The following TOLLIP variants were observed in gnomAD, a reference collection of about 807,000 sequenced individuals.
TOLLIP encodes toll-interacting protein.
TOLLIP carries 16 observed loss-of-function variants against 33.5 expected under a neutral mutation model. The ratio of observed to expected loss-of-function variants is 0.48; its 90% CI spans 0.32 to 0.72. The LOEUF is 0.72. Among genes scored for constraint, TOLLIP ranks in the 30% least tolerant of loss-of-function variants. The pLI, the probability that TOLLIP is intolerant of heterozygous loss-of-function variation, is 0.03. For missense variants in TOLLIP, 325 were observed against 396.6 expected (o/e 0.82, Z 1.53); for synonymous variants, 176 against 163.7 (o/e 1.07, Z -0.57).
chr11:1,309,200 C>A (rs1267647801), intron 1 of TOLLIP, among the ~76,000 whole-genome samples: 1 of 152,172 alleles, frequency 6.6e-6, no homozygotes, highest in Non-Finnish European at 1.5e-5. Context: ...CGGGCGCAGG[C>A]CCCCTCCCCC....
At position 1,284,963 on chromosome 11, in the gene TOLLIP, C is replaced by T. The variant is rs538048182; in HGVS notation, c.610+1039G>A. Among the ~76,000 whole-genome samples, 5 of 152,170 alleles carry T rather than the reference C, an allele frequency of 3.3e-5. No individual in the cohort carries two copies. In the South Asian group the frequency reaches 6.2e-4, roughly 19 times the overall value. On this transcript the variant is annotated intron_variant, in intron 5 of 5. Coordinates refer to ENST00000317204, the MANE Select transcript of TOLLIP (RefSeq NM_019009.4). ...CCCGACTCCCAAGGTGGCCTTTCTG[C>T]ATCTGTGCAGGATGCTGGCAGGACT...
intron 5 of TOLLIP, among the ~76,000 whole-genome samples, chr11:1,279,111 G>A (rs1430193358): frequency 1.3e-5 from 2 of 152,258 alleles, no homozygotes; most frequent in African/African-American, 2.4e-5. Flanking sequence ...CTGCAAAATC[G>A]ATGACGGTGG....
intron 2 of TOLLIP, among the ~76,000 whole-genome samples, chr11:1,292,625 C>T (rs1196919714): frequency 6.6e-6 from 1 of 152,376 alleles, no homozygotes; most frequent in Middle Eastern, 3.4e-3. Flanking sequence ...TATGACTGCA[C>T]ACAACCACAT....
chr11:1,291,454 C>T (rs934272898), intron 2 of TOLLIP, among the ~76,000 whole-genome samples: 1 of 151,642 alleles, frequency 6.6e-6, no homozygotes, highest in South Asian at 2.1e-4. Flanking sequence ...GCCCCCCGAC[C>T]CCCTCTGAGG....
Position 1,309,627 on chromosome 11 carries a change from A to G in TOLLIP, c.-129T>C. 2.9e-6 allele frequency: 1 copy of G among 347,938 alleles called. No individual in the cohort carries two copies. Among genetic ancestry groups the G allele is most frequent in the Non-Finnish European group, 5.0e-6 (1 of 199,440 alleles). 21.6% of individuals were successfully genotyped at this position (347,938 alleles called of 1,614,324 possible). A position where few individuals can be genotyped will look rare whatever the true frequency, so the allele number is the denominator to read the frequency against. Reference sequence around the variant, plus strand: ...GCCGCCGCCGCCACAGTCAGCTGACAGCCGCCGCGCCCCGCCCCCGGCACC... The same window carrying G: ...GCCGCCGCCGCCACAGTCAGCTGACGGCCGCCGCGCCCCGCCCCCGGCACC... On this transcript the variant is annotated 5_prime_UTR_variant, in exon 1 of 6. Coordinates refer to ENST00000317204, the MANE Select transcript of TOLLIP (RefSeq NM_019009.4).
At chr11:1,299,343 G>A (rs1006069651) in intron 1 of TOLLIP, among the ~76,000 whole-genome samples, 2 of 152,142 alleles carry the variant, frequency 1.3e-5, no homozygotes, top group Non-Finnish European at 2.9e-5. Flanking sequence ...CAATGCCCTC[G>A]TTTCTCAACT....
At chr11:1,286,117 G>A (rs565735378) in intron 4 of TOLLIP, 25 bp from the exon 5 acceptor site, 14 of 1,557,030 alleles carry the variant, frequency 9.0e-6, no homozygotes, top group African/African-American at 8.1e-5. Context: ...AGATGGTCCC[G>A]GGGTCAAGGA....
intron 5 of TOLLIP, 89 bp downstream of exon 5, chr11:1,285,913 G>A (rs1220857654): frequency 3.2e-5 from 31 of 963,970 alleles, no homozygotes; most frequent in South Asian, 6.5e-5. Flanking sequence ...CCACCCCGGC[G>A]CTCTAAGCCC....
rs928473031 is a variant in TOLLIP at position 1,302,836 on chromosome 11, C to T, written c.33+6630G>A. The T allele has an allele frequency of 1.5e-5, 15 of 977,758 alleles. No individual in the cohort carries two copies. The Admixed American group carries it at 8.6e-4, about 56-fold the overall frequency. The allele number at this position is 977,758 out of a possible 1,614,324, so 60.6% of individuals were successfully genotyped here. ...GTCCCCAGTTCCCACATCCTCCTCC[C>T]ACGGCCGCTCAGCAGCCCCCTCCCA... On this transcript the variant is annotated intron_variant, in intron 1 of 5. Transcript: ENST00000317204.
intron 1 of TOLLIP, chr11:1,302,500 C>A (rs1564980090): frequency 1.1e-6 from 1 of 879,828 alleles, no homozygotes; most frequent in South Asian, 5.2e-5. Context: ...AGAAGGAAAA[C>A]TGCAATTCCC....
chr11:1,288,929 G>A (rs1863840389), intron 3 of TOLLIP, among the ~76,000 whole-genome samples, 153 bp from the exon 4 acceptor site: 1 of 152,256 alleles, frequency 6.6e-6, no homozygotes, highest in Admixed American at 6.5e-5. Context: ...GACCCCTCGG[G>A]CAGCGCAGGC....
rs770422514 is a variant in TOLLIP at position 1,288,618 on chromosome 11, G to A, written c.519+6C>T. Reference sequence around the variant, plus strand: ...GCGCCCCACCCCGCCCAGGCGTGCAGCTCACCGCGTAGGACATGACGAGGT... The same window carrying A: ...GCGCCCCACCCCGCCCAGGCGTGCAACTCACCGCGTAGGACATGACGAGGT... On this transcript the variant is annotated splice_donor_region_variant and intron_variant, in intron 4 of 5. Transcript: ENST00000317204. The A allele has an allele frequency of 3.7e-6, 6 of 1,608,656 alleles. No homozygotes were observed. The East Asian group carries it at 8.9e-5, about 24-fold the overall frequency.
At position 1,303,006 on chromosome 11, in the gene TOLLIP, T is replaced by G. The variant is rs905506236; in HGVS notation, c.33+6460A>C. Among the ~76,000 whole-genome samples the G allele has an allele frequency of 3.9e-5, 6 of 151,966 alleles. No individual in the cohort carries two copies. Among genetic ancestry groups the G allele is most frequent in the African/African-American group, 1.4e-4 (6 of 41,422 alleles). On this transcript the variant is annotated intron_variant, in intron 1 of 5. Transcript: ENST00000317204. This position sits in a 1 kb window ranked among gnomAD's most constrained non-coding sequence, Gnocchi z 4.2. ...CACAACAGGCGCTTCAAAGCCAACA[T>G]GCCGGGAGGTTCCCTGGCTCTGCTA...
rs1316449503 is a variant in TOLLIP at position 1,276,620 on chromosome 11, G to A, written c.*419C>T. The A allele has an allele frequency of 1.6e-6, 2 of 1,260,716 alleles. No individual in the cohort carries two copies. The highest frequency in any genetic ancestry group is 1.2e-5 in the South Asian group (1 of 80,174). 78.1% of individuals were successfully genotyped at this position (1,260,716 alleles called of 1,614,324 possible). A position where few individuals can be genotyped will look rare whatever the true frequency, so the allele number is the denominator to read the frequency against. On this transcript the variant is annotated 3_prime_UTR_variant, in exon 6 of 6. Transcript: ENST00000317204. ...TTCTAAAAAAAACCCACAGTGTGAG[G>A]GATTGTGTGTGCCTTAAATCAACAG... is the stretch of plus-strand genomic sequence containing the variant.
chr11:1,293,112 C>A (rs1324912634), intron 2 of TOLLIP, among the ~76,000 whole-genome samples: 1 of 152,224 alleles, frequency 6.6e-6, no homozygotes, highest in East Asian at 1.9e-4. Flanking sequence ...GAGGGTCAGG[C>A]CTGAAGGGCA....
chr11:1,299,411 CA>C (rs1396636002), intron 1 of TOLLIP, among the ~76,000 whole-genome samples: 1 of 152,172 alleles, frequency 6.6e-6, no homozygotes, highest in African/African-American at 2.4e-5. Flanking sequence ...TCACGAGTCA[CA>C]GGGGAGAGAG....
At position 1,276,032 on chromosome 11, in the gene TOLLIP, GCAGT is replaced by G. The variant is rs1216197031; in HGVS notation, c.*1003_*1006del. 6.6e-6 allele frequency: 1 copy of G among 152,392 alleles called. No homozygotes were observed. Among genetic ancestry groups the G allele is most frequent in the African/African-American group, 2.4e-5 (1 of 41,586 alleles). The allele number at this position is 152,392 out of a possible 1,614,324, so 9.4% of individuals were successfully genotyped here. On this transcript the variant is annotated 3_prime_UTR_variant, in exon 6 of 6. Transcript: ENST00000317204. ...CCAAGATGCTACACGCAGCGCCCAG[GCAGT>G]CAGAGGTAAGTGAGCGCCTCCCGCC... is the stretch of plus-strand genomic sequence containing the variant.
chr11:1,305,426 GAA>G (rs1317931393), intron 1 of TOLLIP, among the ~76,000 whole-genome samples: 2 of 152,198 alleles, frequency 1.3e-5, no homozygotes, highest in African/African-American at 2.4e-5. Context: ...TCAGGGGAGA[GAA>G]AGCCCACACA....
chr11:1,276,668 C>T lies in TOLLIP; in HGVS notation c.*371G>A, dbSNP rs1863312943. 1 of 1,348,850 alleles carries T rather than the reference C, an allele frequency of 7.4e-7. No individual in the cohort carries two copies. The highest frequency in any genetic ancestry group is 9.7e-7 in the Non-Finnish European group (1 of 1,027,934). 83.6% of individuals were successfully genotyped at this position (1,348,850 alleles called of 1,614,324 possible). A position where few individuals can be genotyped will look rare whatever the true frequency, so the allele number is the denominator to read the frequency against. The stretch of plus-strand genomic sequence containing the variant: ...CAGCTCTATTCCAATTACATCACAT[C>T]ACAAAATGCCATGAATGGAATCGGA... On this transcript the variant is annotated 3_prime_UTR_variant, in exon 6 of 6. Coordinates refer to ENST00000317204, the MANE Select transcript of TOLLIP (RefSeq NM_019009.4).
Sources: allele counts gnomAD v4.1 joint callset (sites outside exome capture counted in the v4.1 genomes callset), GRCh38; gene constraint gnomAD v4.1.1; non-coding constraint Gnocchi (gnomAD v3.1); transcripts MANE v1.5; gene names NCBI Gene and HGNC (gene_info 2026-07-23, HGNC 2026-07-21).